The following KIF21B variants were observed in gnomAD, a reference collection of about 807,000 sequenced individuals.
KIF21B encodes the protein kinesin-like protein KIF21B.
A neutral mutation model predicts 192.9 loss-of-function variants in KIF21B; 85 were observed. That is an observed-to-expected ratio of 0.44 (90% CI 0.37 to 0.53). The LOEUF (loss-of-function observed/expected upper bound fraction) is 0.53, where lower values mean the gene tolerates loss of function less well. KIF21B is among the 20% of genes least tolerant of loss of function. The pLI is 0.00. For synonymous variants in KIF21B, 832 were observed against 884.6 expected, an observed-to-expected ratio of 0.94 and a Z score of 1.05; for missense variants, 1,716 against 2,194.8, an observed-to-expected ratio of 0.78 and a Z score of 4.36.
chr1:200,988,141 C>T (rs374854540), intron 24 of KIF21B, among the ~76,000 whole-genome samples, 155 bp downstream of exon 24: 1 of 152,322 alleles, frequency 6.6e-6, no homozygotes, highest in East Asian at 1.9e-4. Flanking sequence ...CTGGACAACC[C>T]CCAATTCCAG....
At position 200,974,761 on chromosome 1, in the gene KIF21B, G is replaced by T. The variant is rs139486490; in HGVS notation, c.4767C>A (p.Pro1589=). 6.2e-6 allele frequency: 10 copies of T among 1,614,246 alleles called. No homozygotes were observed. In the African/African-American group the frequency reaches 1.2e-4, roughly 19 times the overall value. Residue 1589 remains proline, a synonymous_variant, in exon 34 of 35, where the codon CCC becomes CCA. Coordinates refer to ENST00000461742, the MANE Select transcript of KIF21B (RefSeq NM_001252102.2). ...PIGEIKGHDS[P]INAICTNAKH... ...TGGCATTGGTGCAGATGGCATTGATGGGACTGTCGTGGCCCTTGATCTCAC... is the reference window on the plus strand; with the variant it reads ...TGGCATTGGTGCAGATGGCATTGATTGGACTGTCGTGGCCCTTGATCTCAC...
rs1394566812 is a variant in KIF21B, at chr1:200,982,819, C to A, written c.3842+237G>T. ...ACAGGGCCTGCGACAAGCAACTGTGCACCCTCCCCAAGCCCCCAGCTCTAG... is the reference window on the plus strand; with the variant it reads ...ACAGGGCCTGCGACAAGCAACTGTGAACCCTCCCCAAGCCCCCAGCTCTAG... On this transcript the variant is annotated intron_variant, in intron 28 of 34. Transcript: ENST00000461742. This position sits in a 1 kb window ranked among gnomAD's most constrained non-coding sequence, Gnocchi z 4.7. Among the ~76,000 whole-genome samples, 1 of 152,178 alleles carries A rather than the reference C, an allele frequency of 6.6e-6. No individual in the cohort carries two copies. The highest frequency in any genetic ancestry group is 1.5e-5 in the Non-Finnish European group (1 of 68,026).
At position 200,996,120 on chromosome 1, in the gene KIF21B, T is replaced by C; in HGVS notation, c.2277+76A>G. On this transcript the variant is annotated intron_variant, in intron 15 of 34. Transcript: ENST00000461742. ...ATCCACACTTGACAGCAATGATTAT[T>C]TTTACGATGGTGAGTGGATTCTAAG... The C allele has an allele frequency of 2.2e-6, 3 of 1,392,092 alleles. No homozygotes were observed. In the Admixed American group the frequency reaches 5.1e-5, roughly 24 times the overall value. 86.2% of individuals were successfully genotyped at this position (1,392,092 alleles called of 1,614,324 possible). A position where few individuals can be genotyped will look rare whatever the true frequency, so the allele number is the denominator to read the frequency against.
Position 201,020,351 on chromosome 1 carries a change from A to G in KIF21B, c.41+2992T>C, listed in dbSNP as rs541892636. 5.3e-5 allele frequency among the ~76,000 whole-genome samples: 8 copies of G among 152,282 alleles called. No homozygotes were observed. In the South Asian group the frequency reaches 1.7e-3, roughly 32 times the overall value. On this transcript the variant is annotated intron_variant, in intron 1 of 34. Coordinates refer to ENST00000461742, the MANE Select transcript of KIF21B (RefSeq NM_001252102.2). ...GGCCTATATCTCTGCAGCCTGGGGCAGGTCACAGCTCCGCCCCACCTCTCT... is the reference window on the plus strand; with the variant it reads ...GGCCTATATCTCTGCAGCCTGGGGCGGGTCACAGCTCCGCCCCACCTCTCT...
At chr1:201,020,634 C>T (rs56409868) in intron 1 of KIF21B, among the ~76,000 whole-genome samples, 28,941 of 152,100 alleles carry the variant, frequency 0.19, 3,624 homozygotes, top group Admixed American at 0.35. Flanking sequence ...TTCCCTTACC[C>T]TGAGCCCCAG....
intron 1 of KIF21B, among the ~76,000 whole-genome samples, chr1:201,015,076 A>G (rs937724920): frequency 7.2e-5 from 11 of 152,240 alleles, no homozygotes; most frequent in Non-Finnish European, 1.2e-4. Context: ...TATATCATTT[A>G]GTTCTAAGGT....
At chr1:201,015,942 G>A (rs1267580199) in intron 1 of KIF21B, among the ~76,000 whole-genome samples, 5 of 152,130 alleles carry the variant, frequency 3.3e-5, no homozygotes, top group African/African-American at 9.7e-5. Flanking sequence ...CTTGTTCTAC[G>A]TGTTCTTCAC....
chr1:200,974,047 A>C, intron 34 of KIF21B: 1 of 1,597,810 alleles, frequency 6.3e-7, no homozygotes, highest in Non-Finnish European at 8.5e-7. Context: ...GAGAGGGAAA[A>C]GGAAAGAGGG....
Position 200,976,808 on chromosome 1 carries a change from C to G in KIF21B, c.4411G>C (p.Val1471Leu). 1.2e-6 allele frequency: 2 copies of G among 1,613,494 alleles called. No individual in the cohort carries two copies. Among genetic ancestry groups the G allele is most frequent in the Non-Finnish European group, 8.5e-7 (1 of 1,179,586 alleles). Reference sequence around the variant, plus strand: ...TAGTGGTCCTTGGAGCCAGTCACCACGAGGTCATGCTGGCTGGCCGTCTGG... The same window carrying G: ...TAGTGGTCCTTGGAGCCAGTCACCAGGAGGTCATGCTGGCTGGCCGTCTGG... Reference protein sequence around the residue: ...VTQTASQHDLVVTGSKDHYVK... With the variant: ...VTQTASQHDLLVTGSKDHYVK... The change falls in exon 32 of 35, where the codon GTG becomes CTG. Residue 1471 changes from valine to leucine, a missense_variant. Val to Leu is a conservative substitution (Grantham distance 32, BLOSUM62 1). Transcript: ENST00000461742.
At chr1:200,983,029 C>T (rs774233619) in intron 28 of KIF21B, 27 bp downstream of exon 28, 138 of 1,534,488 alleles carry the variant, frequency 9.0e-5, no homozygotes, top group Non-Finnish European at 1.2e-4. Flanking sequence ...AGTGGGGAAC[C>T]AAACACGAGA....
chr1:200,995,496 C>G (rs902100538), intron 15 of KIF21B, among the ~76,000 whole-genome samples: 2 of 152,242 alleles, frequency 1.3e-5, no homozygotes, highest in Non-Finnish European at 2.9e-5. Flanking sequence ...GACTTGAGCC[C>G]TGAAGTCAGA....
chr1:200,986,312 C>T (rs12118247), intron 26 of KIF21B, among the ~76,000 whole-genome samples: 38,043 of 151,386 alleles, frequency 0.25, 5,612 homozygotes, highest in African/African-American at 0.41. Context: ...GCATCTGGCT[C>T]GGCTATGCAG....
intron 1 of KIF21B, among the ~76,000 whole-genome samples, chr1:201,010,708 C>A (rs1210162092): frequency 6.6e-6 from 1 of 152,338 alleles, no homozygotes; most frequent in East Asian, 1.9e-4. Context: ...GCCAGGCCAG[C>A]ACCCATCCTG....
chr1:201,005,990 G>A (rs1657797803), intron 3 of KIF21B, among the ~76,000 whole-genome samples: 1 of 152,254 alleles, frequency 6.6e-6, no homozygotes, highest in South Asian at 2.1e-4. Context: ...GGTCCCAGAT[G>A]TAGGAGATAA....
chr1:200,985,739 T>TTTCC (rs1168619065), intron 26 of KIF21B, among the ~76,000 whole-genome samples: 2 of 150,742 alleles, frequency 1.3e-5, no homozygotes, highest in Non-Finnish European at 3.0e-5. Flanking sequence ...TCTTCTTTCT[T>TTTCC]TTCCTTCCTT....
chr1:201,016,649 T>C (rs927901078), intron 1 of KIF21B, among the ~76,000 whole-genome samples: 1 of 152,070 alleles, frequency 6.6e-6, no homozygotes, highest in African/African-American at 2.4e-5. Flanking sequence ...CAATTTGGGG[T>C]GCTTGCCCTT....
At position 200,975,277 on chromosome 1, in the gene KIF21B, A is replaced by T. The variant is rs1414219437; in HGVS notation, c.4614+222T>A. 6.6e-6 allele frequency among the ~76,000 whole-genome samples: 1 copy of T among 152,224 alleles called. No individual in the cohort carries two copies. Among genetic ancestry groups the T allele is most frequent in the Non-Finnish European group, 1.5e-5 (1 of 68,030 alleles). ...TGAGAGCAAAGGCTTTGCTGAGAGC[A>T]GGTTGCCTAAGAGGGAGATGTGGCA... On this transcript the variant is annotated intron_variant, in intron 33 of 34. Coordinates refer to ENST00000461742, the MANE Select transcript of KIF21B (RefSeq NM_001252102.2). The surrounding 1 kb of genome is among the most constrained non-coding windows in gnomAD (Gnocchi z 4.3).
chr1:201,014,393 C>G (rs1658389878), intron 1 of KIF21B, among the ~76,000 whole-genome samples: 1 of 152,176 alleles, frequency 6.6e-6, no homozygotes, highest in African/African-American at 2.4e-5. Context: ...GGATCCTCGG[C>G]TCTTAGGGGA....
chr1:201,016,181 T>C (rs992272826), intron 1 of KIF21B, among the ~76,000 whole-genome samples: 1 of 152,180 alleles, frequency 6.6e-6, no homozygotes, highest in Admixed American at 6.5e-5. Context: ...CTGTGCCCAA[T>C]CCTGAAGCAT....
Sources: allele counts gnomAD v4.1 joint callset (sites outside exome capture counted in the v4.1 genomes callset), GRCh38; gene constraint gnomAD v4.1.1; non-coding constraint Gnocchi (gnomAD v3.1); transcripts MANE v1.5; gene names NCBI Gene and HGNC (gene_info 2026-07-23, HGNC 2026-07-21).